TULP1: variants seen among roughly 807,000 people sequenced by gnomAD.
TULP1 encodes the protein tubby-related protein 1.
In TULP1, 50 loss-of-function variants were observed where a neutral mutation model predicts 67.1. The observed-to-expected ratio is 0.75, with a 90% CI of 0.59 to 0.94. TULP1 has a LOEUF of 0.94. Among genes scored for constraint, TULP1 ranks in the 40% least tolerant of loss-of-function variants. The pLI is 0.00. For missense variants in TULP1, 746 were observed against 734.1 expected, an observed-to-expected ratio of 1.02 and a Z score of -0.19; for synonymous variants, 297 against 294.0, an observed-to-expected ratio of 1.01 and a Z score of -0.11.
intron 11 of TULP1, among the ~76,000 whole-genome samples, chr6:35,504,672 T>C (rs1024481926): frequency 6.6e-6 from 1 of 151,538 alleles, no homozygotes; most frequent in African/African-American, 2.4e-5. Context: ...GCCATTCTTC[T>C]GCCTCAGCCT....
Position 35,503,756 on chromosome 6 carries a change from T to C in TULP1, c.1205A>G (p.Glu402Gly). Residue 402 changes from glutamate (E) to glycine (G), a missense_variant, in exon 12 of 15, where the codon GAG (glutamate) becomes GGG (glycine). Glu to Gly is a moderately conservative substitution (Grantham distance 98). Transcript: ENST00000229771. This position sits in a 1 kb window ranked among gnomAD's most constrained non-coding sequence, Gnocchi z 4.0. ...CCTCACATAGATCACAGCTGCCAGC[T>C]CCTGCCGAAGGCTTGCCACATTAGT... ...YSTNVASLRQ[E>G]LAAVIYETNV... 1.9e-6 allele frequency: 3 copies of C among 1,613,404 alleles called. No individual in the cohort carries two copies. The highest frequency in any genetic ancestry group is 2.5e-6 in the Non-Finnish European group (3 of 1,179,728).
At chr6:35,511,495 T>C (rs1040509957) in intron 4 of TULP1, among the ~76,000 whole-genome samples, 153 bp downstream of exon 4, 6 of 152,118 alleles carry the variant, frequency 3.9e-5, no homozygotes, top group Non-Finnish European at 5.9e-5. Flanking sequence ...AGTTGGTGCT[T>C]AGCACAATAC....
intron 14 of TULP1, 77 bp downstream of exon 14, chr6:35,499,904 G>C: frequency 1.3e-6 from 2 of 1,534,798 alleles, no homozygotes; most frequent in Non-Finnish European, 1.8e-6. Flanking sequence ...TGTGTGAGGG[G>C]GTGAGGGGAG....
At chr6:35,507,996 GT>G (rs1042988884) in intron 8 of TULP1, among the ~76,000 whole-genome samples, 1 of 152,064 alleles carries the variant, frequency 6.6e-6, no homozygotes, top group Non-Finnish European at 1.5e-5. Flanking sequence ...TGTATTTTTA[GT>G]AGAGATGGGG....
In TULP1 at chr6:35,512,619, T is replaced by C. The variant is rs765999939; in HGVS notation, c.99+20A>G. 6.2e-7 allele frequency: 1 copy of C among 1,613,846 alleles called. No homozygotes were observed. The highest frequency in any genetic ancestry group is 8.5e-7 in the Non-Finnish European group (1 of 1,179,970). On this transcript the variant is annotated intron_variant, in intron 2 of 14. Transcript: ENST00000229771. ...CAGCGGGGACATCTTTCTGCTTCCT[T>C]TCCAAGTGGGGTGGCATACCTGTTT...
rs758850066 is a variant in TULP1, at chr6:35,498,310, C to T, written c.*17G>A. On this transcript the variant is annotated 3_prime_UTR_variant, in exon 15 of 15. Transcript: ENST00000229771. The surrounding 1 kb of genome is among the most constrained non-coding windows in gnomAD (Gnocchi z 6.7). Reference sequence around the variant, plus strand: ...CCCACGCTGACGGGCTCTGGGGGCGCTGAGGGGCTGCTGGGGTCACTCGCA... The same window carrying T: ...CCCACGCTGACGGGCTCTGGGGGCGTTGAGGGGCTGCTGGGGTCACTCGCA... 1.7e-5 allele frequency: 27 copies of T among 1,611,436 alleles called. 2 individuals carry two copies. The South Asian group carries it at 3.0e-4, about 18-fold the overall frequency.
In TULP1 at chr6:35,506,055, A is replaced by G. The variant is rs1296458507; in HGVS notation, c.947T>C (p.Met316Thr). 2.5e-6 allele frequency: 4 copies of G among 1,613,708 alleles called. No homozygotes were observed. The highest frequency in any genetic ancestry group is 3.4e-6 in the Non-Finnish European group (4 of 1,180,032). Residue 316 changes from methionine (M) to threonine (T), a missense_variant, in exon 10 of 15, where the codon ATG (methionine) becomes ACG (threonine). Coordinates refer to ENST00000229771, the MANE Select transcript of TULP1 (RefSeq NM_003322.6). ...GTAGGAGGGATACATGCCTCGATCC[A>G]TGCCCTTTTTGTCCCGGGTCAGCCG... Reference protein sequence around the residue: ...RCRLTRDKKGMDRGMYPSYFL... With the variant: ...RCRLTRDKKGTDRGMYPSYFL...
rs771968664 is a variant in TULP1 at position 35,509,311 on chromosome 6, G to A, written c.720C>T (p.Gly240=). 4 of 1,613,898 alleles carry A rather than the reference G, an allele frequency of 2.5e-6. No individual in the cohort carries two copies. Among genetic ancestry groups the A allele is most frequent in the Admixed American group, 1.7e-5 (1 of 60,000 alleles). ...CCTCCTTCCTCGCGCCTTTGGGAGT[G>A]CCTGAGCGTGGAGGGGGAAACAAGG... is the stretch of plus-strand genomic sequence containing the variant. ...SPDKKALKKK[G]TPKGARKEEE... The change falls in exon 8 of 15, where the codon GGC becomes GGT. Residue 240 remains glycine, a splice_region_variant and synonymous_variant. Transcript: ENST00000229771.
chr6:35,503,689 C>A lies in TULP1; in HGVS notation c.1225-32G>T, dbSNP rs781753874. 2.9e-5 allele frequency: 47 copies of A among 1,600,566 alleles called. No homozygotes were observed. The highest frequency in any genetic ancestry group is 4.0e-5 in the Non-Finnish European group (47 of 1,173,894). On this transcript the variant is annotated intron_variant, in intron 12 of 14. Transcript: ENST00000229771. This position sits in a 1 kb window ranked among gnomAD's most constrained non-coding sequence, Gnocchi z 4.0. ...AGGAAACAGATGCCTGTGAGGCCAG[C>A]CCCTGTAAGGGGAGCAGCCTGGCAT...
intron 3 of TULP1, 71 bp from the exon 4 acceptor site, chr6:35,511,877 C>T: frequency 6.9e-7 from 1 of 1,450,782 alleles, no homozygotes; most frequent in Non-Finnish European, 9.1e-7. Flanking sequence ...TACCCGCTAC[C>T]CCCAAGCCTG....
At chr6:35,507,111 G>T (rs1412279734) in intron 8 of TULP1, among the ~76,000 whole-genome samples, 1 of 150,286 alleles carries the variant, frequency 6.7e-6, no homozygotes, top group Admixed American at 6.7e-5. Flanking sequence ...CCACTCCAAG[G>T]TTAGGTCATA....
At chr6:35,509,804 G>C in intron 6 of TULP1, 23 bp downstream of exon 6, 1 of 1,614,006 alleles carries the variant, frequency 6.2e-7, no homozygotes, top group Non-Finnish European at 8.5e-7. Context: ...GGAGTCCCCT[G>C]TTCCTCCCTA....
Position 35,503,507 on chromosome 6 carries a change from G to C in TULP1, c.1323+52C>G. 6.6e-7 allele frequency: 1 copy of C among 1,525,086 alleles called. No homozygotes were observed. Among genetic ancestry groups the C allele is most frequent in the Admixed American group, 2.0e-5 (1 of 50,998 alleles). 94.5% of individuals were successfully genotyped at this position (1,525,086 alleles called of 1,614,324 possible). A position where few individuals can be genotyped will look rare whatever the true frequency, so the allele number is the denominator to read the frequency against. On this transcript the variant is annotated intron_variant, in intron 13 of 14. Transcript: ENST00000229771. This position sits in a 1 kb window ranked among gnomAD's most constrained non-coding sequence, Gnocchi z 4.0. Reference sequence around the variant, plus strand: ...TTGGCTATTTCCTAAGCTGAGCCCCGACTCCTGTTTCTCACATAGGGAGCC... The same window carrying C: ...TTGGCTATTTCCTAAGCTGAGCCCCCACTCCTGTTTCTCACATAGGGAGCC...
intron 13 of TULP1, among the ~76,000 whole-genome samples, chr6:35,500,442 A>T (rs775102589): frequency 2.6e-5 from 4 of 152,160 alleles, no homozygotes; most frequent in Non-Finnish European, 5.9e-5. Flanking sequence ...AGGTGGTCTT[A>T]GGAGACAGAC....
intron 11 of TULP1, chr6:35,505,520 C>T (rs1269419934): frequency 1.5e-6 from 2 of 1,340,846 alleles, no homozygotes; most frequent in Non-Finnish European, 2.0e-6. Flanking sequence ...CGCCTGGGTG[C>T]TCATTAAAAA....
rs1761234479 is a variant in TULP1, at chr6:35,512,631, T to G, written c.99+8A>C. On this transcript the variant is annotated splice_region_variant and intron_variant, in intron 2 of 14. Transcript: ENST00000229771. ...CTTTCTGCTTCCTTTCCAAGTGGGG[T>G]GGCATACCTGTTTGGGGCGCCGCGG... 1 of 1,613,614 alleles carries G rather than the reference T, an allele frequency of 6.2e-7. No homozygotes were observed. Among genetic ancestry groups the G allele is most frequent in the Admixed American group, 1.7e-5 (1 of 59,968 alleles).
chr6:35,505,684 C>T (rs760069952), intron 11 of TULP1, 57 bp downstream of exon 11: 16 of 1,601,676 alleles, frequency 1.0e-5, no homozygotes, highest in African/African-American at 8.0e-5. Context: ...ACAGAGATGA[C>T]GGGCTATGGC....
rs771864220 is a variant in TULP1, at chr6:35,512,274, C to T, written c.100-4G>A. On this transcript the variant is annotated splice_region_variant and splice_polypyrimidine_tract_variant and intron_variant, in intron 2 of 14. Transcript: ENST00000229771. ...GCCTCTGTGCCGGGGCGGGTCGCTG[C>T]GGAACGGGGGTCAAGAGGAGGTCGA... The T allele has an allele frequency of 4.3e-6, 6 of 1,388,780 alleles. No individual in the cohort carries two copies. The highest frequency in any genetic ancestry group is 1.9e-5 in the South Asian group (1 of 53,414). 86.0% of individuals were successfully genotyped at this position (1,388,780 alleles called of 1,614,324 possible).
At chr6:35,510,534 C>G (rs1761174340) in intron 5 of TULP1, among the ~76,000 whole-genome samples, 1 of 152,226 alleles carries the variant, frequency 6.6e-6, no homozygotes, top group Admixed American at 6.5e-5. Context: ...ACTGTAATCA[C>G]TTTGATACTT....
Sources: allele counts gnomAD v4.1 joint callset (sites outside exome capture counted in the v4.1 genomes callset), GRCh38; gene constraint gnomAD v4.1.1; non-coding constraint Gnocchi (gnomAD v3.1); transcripts MANE v1.5; gene names NCBI Gene and HGNC (gene_info 2026-07-23, HGNC 2026-07-21).